DOCK3: variants seen among roughly 807,000 people sequenced by gnomAD.
The protein encoded by DOCK3 is dedicator of cytokinesis 3.
Under a neutral mutation model 265.6 loss-of-function variants are expected in DOCK3, and 60 were observed. The observed-to-expected ratio is 0.23, with a 90% CI of 0.18 to 0.28. DOCK3 has a LOEUF of 0.28. DOCK3 is among the 10% of genes least tolerant of loss of function. The pLI, the probability that DOCK3 is intolerant of heterozygous loss-of-function variation, is 1.00. For synonymous variants in DOCK3, 881 were observed against 938.0 expected (o/e 0.94, Z 1.11); for missense variants, 1,981 against 2,594.3 (o/e 0.76, Z 5.14).
chr3:51,148,736 G>A (rs1272366787), intron 10 of DOCK3, among the ~76,000 whole-genome samples: 1 of 152,128 alleles, frequency 6.6e-6, no homozygotes, highest in Non-Finnish European at 1.5e-5. Context: ...TGCTGTTTTG[G>A]TTACTGTAGC....
intron 11 of DOCK3, 150 bp from the exon 12 acceptor site, chr3:51,160,405 A>G (rs1395539142): frequency 1.8e-5 from 17 of 943,538 alleles, no homozygotes; most frequent in Non-Finnish European, 2.5e-5. Flanking sequence ...CCACATAAAT[A>G]TCCTTGGATG....
intron 27 of DOCK3, among the ~76,000 whole-genome samples, chr3:51,306,802 T>C (rs2082712913): frequency 6.6e-6 from 1 of 152,216 alleles, no homozygotes; most frequent in Non-Finnish European, 1.5e-5. Context: ...TGGTGAGTCA[T>C]TGTTCTTACA....
At chr3:51,243,388 C>T (rs1293146373) in intron 21 of DOCK3, among the ~76,000 whole-genome samples, 1 of 151,958 alleles carries the variant, frequency 6.6e-6, no homozygotes, top group Non-Finnish European at 1.5e-5. Context: ...AGTTCACTCA[C>T]CTTTCCTCCA....
intron 32 of DOCK3, 68 bp downstream of exon 32, chr3:51,315,196 G>C (rs1488498859): frequency 6.8e-7 from 1 of 1,474,474 alleles, no homozygotes; most frequent in East Asian, 2.5e-5. Flanking sequence ...AGGTGGCCTA[G>C]ATGACCAAGC....
chr3:50,802,868 G>C (rs1284518038), intron 2 of DOCK3, among the ~76,000 whole-genome samples: 1 of 151,880 alleles, frequency 6.6e-6, no homozygotes, highest in East Asian at 1.9e-4. Flanking sequence ...CATTAAACAT[G>C]TTTTCCCCAC....
At chr3:50,982,627 G>A (rs1188403983) in intron 5 of DOCK3, among the ~76,000 whole-genome samples, 1 of 152,220 alleles carries the variant, frequency 6.6e-6, no homozygotes, top group Non-Finnish European at 1.5e-5. Flanking sequence ...GTACAGGGAG[G>A]AGGTGGAGCT....
chr3:51,015,772 ATATATTTC>A lies in DOCK3; in HGVS notation c.316-48670_316-48663del, dbSNP rs1369773934. Among the ~76,000 whole-genome samples, 36 of 15,392 alleles carry A rather than the reference ATATATTTC, an allele frequency of 2.3e-3. 17 individuals are homozygous for A. The highest frequency in any genetic ancestry group is 0.014 in the African/African-American group (34 of 2,384). The allele number at this position is 15,392 out of a possible 152,430, so 10.1% of individuals were successfully genotyped here. The stretch of plus-strand genomic sequence containing the variant: ...TATTTCTATATATGATATATATATC[ATATATTTC>A]TATATATGATATATATATCATATAT... On this transcript the variant is annotated intron_variant, in intron 5 of 52. Transcript: ENST00000266037.
At chr3:51,111,404 TAGAG>T (rs901392648) in intron 9 of DOCK3, among the ~76,000 whole-genome samples, 3 of 152,078 alleles carry the variant, frequency 2.0e-5, no homozygotes, top group Non-Finnish European at 4.4e-5. Context: ...TGGAACAGAA[TAGAG>T]AGACCAGAAA....
intron 9 of DOCK3, among the ~76,000 whole-genome samples, chr3:51,095,739 C>T (rs1241597488): frequency 6.7e-6 from 1 of 149,448 alleles, no homozygotes; most frequent in Non-Finnish European, 1.5e-5. Flanking sequence ...TACTCAAAAG[C>T]TCTCTCAATT....
intron 1 of DOCK3, among the ~76,000 whole-genome samples, chr3:50,714,711 A>G (rs151077988): frequency 6.6e-6 from 1 of 152,310 alleles, no homozygotes; most frequent in East Asian, 1.9e-4. Context: ...TGCTGAGATT[A>G]CAGGGGTGAG....
At chr3:50,848,834 C>T (rs1193238481) in intron 3 of DOCK3, among the ~76,000 whole-genome samples, 3 of 152,092 alleles carry the variant, frequency 2.0e-5, no homozygotes, top group African/African-American at 7.2e-5. Context: ...AGATGTCTTC[C>T]TTGCTAGTAA....
At chr3:50,958,161 C>T (rs2076780244) in intron 5 of DOCK3, among the ~76,000 whole-genome samples, 1 of 152,146 alleles carries the variant, frequency 6.6e-6, no homozygotes, top group Non-Finnish European at 1.5e-5. Context: ...TTTGTTTCTT[C>T]CTCCAAACTA....
intron 12 of DOCK3, among the ~76,000 whole-genome samples, chr3:51,198,773 T>C (rs959346632): frequency 3.3e-5 from 5 of 152,190 alleles, no homozygotes; most frequent in African/African-American, 1.2e-4. Context: ...CTCATGCCTG[T>C]AATCCTAGCA....
intron 2 of DOCK3, among the ~76,000 whole-genome samples, chr3:50,780,735 T>C (rs1362621347): frequency 1.3e-5 from 2 of 152,140 alleles, no homozygotes; most frequent in African/African-American, 2.4e-5. Flanking sequence ...TATATTATTA[T>C]TAATTATAGT....
At chr3:50,915,617 T>TC (rs35505765) in intron 4 of DOCK3, among the ~76,000 whole-genome samples, 2 of 152,010 alleles carry the variant, frequency 1.3e-5, no homozygotes, top group Non-Finnish European at 2.9e-5. Flanking sequence ...GGCAGCAGTT[T>TC]CCCAGGGGGT....
chr3:50,884,972 A>G (rs531327642), intron 3 of DOCK3, among the ~76,000 whole-genome samples: 15 of 152,256 alleles, frequency 9.9e-5, no homozygotes, highest in African/African-American at 3.6e-4. Context: ...GCACAATGTC[A>G]TGTAGCTATC....
intron 1 of DOCK3, among the ~76,000 whole-genome samples, chr3:50,701,959 G>A (rs2036069692): frequency 6.6e-6 from 1 of 152,158 alleles, no homozygotes. Context: ...ATGTTGCTTT[G>A]GTTACTGTAG....
chr3:50,890,137 A>T, intron 4 of DOCK3, 56 bp downstream of exon 4: 13 of 1,338,644 alleles, frequency 9.7e-6, no homozygotes, highest in Non-Finnish European at 1.3e-5. Context: ...ACAGAGGAAG[A>T]TTGTTTTTCC....
intron 3 of DOCK3, among the ~76,000 whole-genome samples, chr3:50,847,882 C>CAAAGA (rs2046160076): frequency 1.0e-5 from 1 of 97,612 alleles, no homozygotes; most frequent in Admixed American, 1.4e-4. Context: ...GGCTCCATTT[C>CAAAGA]AAAAAAAAAA....
Sources: gnomAD v4.1 joint callset for allele counts (sites outside exome capture counted in the v4.1 genomes callset) on GRCh38, gnomAD v4.1.1 for gene constraint, MANE v1.5 for transcripts, NCBI Gene and HGNC (gene_info 2026-07-23, HGNC 2026-07-21) for gene names.